The following PDZRN4 variants were observed in gnomAD, a reference collection of about 807,000 sequenced individuals.
PDZRN4 encodes the protein PDZ domain containing ring finger 4.
In PDZRN4, 70 loss-of-function variants were observed where a neutral mutation model predicts 99.0. That is an observed-to-expected ratio of 0.71 (90% CI 0.58 to 0.86). PDZRN4 has a LOEUF of 0.86. Among genes scored for constraint, PDZRN4 ranks in the 40% least tolerant of loss-of-function variants. PDZRN4 has a pLI of 0.00. For synonymous variants in PDZRN4, 551 were observed against 501.6 expected (o/e 1.10, Z -1.32); for missense variants, 1,474 against 1,331.2 (o/e 1.11, Z -1.67).
intron 3 of PDZRN4, among the ~76,000 whole-genome samples, chr12:41,430,162 A>G (rs1458322840): frequency 2.6e-5 from 4 of 152,168 alleles, no homozygotes; most frequent in African/African-American, 9.7e-5. Context: ...CCTTATTCAC[A>G]CATTGTGCAT....
rs141841993 is a variant in PDZRN4, at chr12:41,249,622, C to A, written c.843+55434C>A. Among the ~76,000 whole-genome samples, 7 of 152,248 alleles carry A rather than the reference C, an allele frequency of 4.6e-5. 1 individual carries two copies. The highest frequency in any genetic ancestry group is 1.7e-4 in the African/African-American group (7 of 41,538). On this transcript the variant is annotated intron_variant, in intron 3 of 9. Transcript: ENST00000402685. ...GGAATACACCATTCCCTTGCTATTG[C>A]AGTTTATTTTCAACCTCAATTATTT...
Position 41,211,241 on chromosome 12 carries a change from G to T in PDZRN4, c.843+17053G>T, listed in dbSNP as rs186044932. On this transcript the variant is annotated intron_variant, in intron 3 of 9. Coordinates refer to ENST00000402685, the MANE Select transcript of PDZRN4 (RefSeq NM_001164595.2). Reference sequence around the variant, plus strand: ...TCCCTGAGGGGGAAAACAATCAGAAGATGTTGAAAGATGACTAGATTCTAG... The same window carrying T: ...TCCCTGAGGGGGAAAACAATCAGAATATGTTGAAAGATGACTAGATTCTAG... Among the ~76,000 whole-genome samples the T allele has an allele frequency of 3.3e-3, 508 of 152,036 alleles. 3 individuals are homozygous for T. Among genetic ancestry groups the T allele is most frequent in the Non-Finnish European group, 5.1e-3 (344 of 67,922 alleles).
intron 3 of PDZRN4, among the ~76,000 whole-genome samples, chr12:41,316,112 C>CT (rs1197969950): frequency 3.3e-5 from 5 of 151,988 alleles, no homozygotes; most frequent in Admixed American, 2.0e-4. Context: ...AACCCATTTT[C>CT]TTTTTTTAAT....
chr12:41,221,446 A>G (rs1174954015), intron 3 of PDZRN4, among the ~76,000 whole-genome samples: 2 of 152,136 alleles, frequency 1.3e-5, no homozygotes, highest in Admixed American at 1.3e-4. Context: ...TTGGTAGAGC[A>G]TTATATGGAA....
chr12:41,556,831 C>G (rs977517667), intron 7 of PDZRN4, among the ~76,000 whole-genome samples: 2 of 152,152 alleles, frequency 1.3e-5, no homozygotes, highest in African/African-American at 2.4e-5. Flanking sequence ...CTTGCTCTCT[C>G]CTTTCTGAGT....
chr12:41,443,876 A>T (rs1952701730), intron 3 of PDZRN4, among the ~76,000 whole-genome samples: 1 of 152,158 alleles, frequency 6.6e-6, no homozygotes, highest in South Asian at 2.1e-4. Context: ...TGAATATTCA[A>T]AACTAAAACT....
intron 3 of PDZRN4, among the ~76,000 whole-genome samples, chr12:41,475,770 G>C (rs1953036940): frequency 6.6e-6 from 1 of 152,136 alleles, no homozygotes; most frequent in Non-Finnish European, 1.5e-5. Context: ...AGATGTGTTA[G>C]AAATGTTCAA....
chr12:41,270,788 C>T (rs1008515723), intron 3 of PDZRN4, among the ~76,000 whole-genome samples: 44 of 151,920 alleles, frequency 2.9e-4, no homozygotes, highest in African/African-American at 9.2e-4. Flanking sequence ...TTGTTAGTTA[C>T]GTAGAAATCT....
intron 3 of PDZRN4, among the ~76,000 whole-genome samples, chr12:41,440,357 G>A (rs762267871): frequency 1.3e-5 from 2 of 152,070 alleles, no homozygotes; most frequent in Non-Finnish European, 2.9e-5. Flanking sequence ...CAGGAAAAAT[G>A]TTTAATTCTT....
intron 5 of PDZRN4, 146 bp from the exon 6 acceptor site, chr12:41,552,510 T>C: frequency 4.2e-6 from 2 of 480,124 alleles, no homozygotes; most frequent in Non-Finnish European, 7.2e-6. Flanking sequence ...TGAATAATAT[T>C]GGTAAAAAAA....
chr12:41,481,794 C>T (rs1028455683), intron 3 of PDZRN4, among the ~76,000 whole-genome samples: 4 of 151,942 alleles, frequency 2.6e-5, no homozygotes, highest in Non-Finnish European at 4.4e-5. Flanking sequence ...ACAACTAAAT[C>T]GAGAGCCTCT....
At position 41,572,756 on chromosome 12, in the gene PDZRN4, A is replaced by T; in HGVS notation, c.1977A>T (p.Gln659His). 6.2e-6 allele frequency: 10 copies of T among 1,614,166 alleles called. No individual in the cohort carries two copies. The highest frequency in any genetic ancestry group is 8.5e-6 in the Non-Finnish European group (10 of 1,180,006). The change falls in exon 10 of 10, where the codon CAA (glutamine) becomes CAT (histidine). Residue 659 changes from glutamine to histidine, a missense_variant. By Grantham distance (24) the Gln-to-His change is conservative. Transcript: ENST00000402685. ...SSTIECNQGE[Q>H]EGVEHELQLL... ...CAATTGAATGCAATCAAGGGGAGCA[A>T]GAGGGAGTGGAGCATGAGCTACAGT...
rs144730758 is a variant in PDZRN4 at position 41,249,372 on chromosome 12, T to C, written c.843+55184T>C. Among the ~76,000 whole-genome samples the C allele has an allele frequency of 1.3e-3, 192 of 152,316 alleles. 1 individual carries two copies. Among genetic ancestry groups the C allele is most frequent in the African/African-American group, 4.5e-3 (187 of 41,582 alleles). On this transcript the variant is annotated intron_variant, in intron 3 of 9. Coordinates refer to ENST00000402685, the MANE Select transcript of PDZRN4 (RefSeq NM_001164595.2). ...TGTATTGAAGGTGACTTGTACAGAT[T>C]GTATACAGCATGTCAAAAGAAGTTA...
intron 3 of PDZRN4, among the ~76,000 whole-genome samples, chr12:41,259,208 T>TA (rs1453823012): frequency 6.6e-6 from 1 of 151,846 alleles, no homozygotes; most frequent in African/African-American, 2.4e-5. Context: ...ATAGTAACAA[T>TA]AACATTAAAT....
intron 3 of PDZRN4, among the ~76,000 whole-genome samples, chr12:41,226,215 A>G (rs1950993711): frequency 1.3e-5 from 2 of 151,982 alleles, no homozygotes; most frequent in Admixed American, 6.6e-5. Flanking sequence ...TTGCTCCAAC[A>G]TGAGGTCCGT....
intron 3 of PDZRN4, among the ~76,000 whole-genome samples, chr12:41,451,129 T>G (rs1952770920): frequency 6.6e-6 from 1 of 151,592 alleles, no homozygotes; most frequent in Non-Finnish European, 1.5e-5. Context: ...CGTAACAGTC[T>G]TCCATTCAAT....
At chr12:41,212,303 G>C (rs77496236) in intron 3 of PDZRN4, among the ~76,000 whole-genome samples, 1 of 151,946 alleles carries the variant, frequency 6.6e-6, no homozygotes, top group Non-Finnish European at 1.5e-5. Flanking sequence ...GTTTCTGCCT[G>C]TTCTGTTTGA....
In PDZRN4 at chr12:41,555,632, C is replaced by T. The variant is rs978809413; in HGVS notation, c.1303-66C>T. ...GCTTTTTCAAAATATATTTTAAAGC[C>T]ATATTTTTAAGTTCTTGAGGGAATG... On this transcript the variant is annotated intron_variant, in intron 6 of 9. Coordinates refer to ENST00000402685, the MANE Select transcript of PDZRN4 (RefSeq NM_001164595.2). The T allele has an allele frequency of 8.4e-6, 10 of 1,187,150 alleles. No homozygotes were observed. The South Asian group carries it at 1.2e-4, about 14-fold the overall frequency. 73.5% of individuals were successfully genotyped at this position (1,187,150 alleles called of 1,614,324 possible).
chr12:41,369,376 A>T (rs552240944), intron 3 of PDZRN4, among the ~76,000 whole-genome samples: 1 of 152,234 alleles, frequency 6.6e-6, no homozygotes, highest in South Asian at 2.1e-4. Context: ...TCAAGTGGAT[A>T]TATGATCAAT....
Sources: gnomAD v4.1 joint callset for allele counts (sites outside exome capture counted in the v4.1 genomes callset) on GRCh38, gnomAD v4.1.1 for gene constraint, MANE v1.5 for transcripts, NCBI Gene and HGNC (gene_info 2026-07-23, HGNC 2026-07-21) for gene names.